Variants in UGDH observed in about 807,000 individuals in gnomAD.
The protein encoded by UGDH is UDP-glucose 6-dehydrogenase, also known as UDP-Glc dehydrogenase.
A neutral mutation model predicts 50.6 loss-of-function variants in UGDH; 38 were observed. The ratio of observed to expected loss-of-function variants is 0.75; its 90% CI spans 0.58 to 0.98. UGDH has a LOEUF of 0.98. Ranked by LOEUF, UGDH falls within the 50% of genes least tolerant of loss-of-function variation. UGDH has a pLI of 0.00. For missense variants in UGDH, 465 were observed against 606.2 expected, an observed-to-expected ratio of 0.77 and a Z score of 2.45; for synonymous variants, 168 against 199.9, an observed-to-expected ratio of 0.84 and a Z score of 1.35.
intron 5 of UGDH, 87 bp downstream of exon 5, chr4:39,510,266 T>TA: frequency 7.4e-7 from 1 of 1,356,596 alleles, no homozygotes. Flanking sequence ...TTACTACTAT[T>TA]AAAAAAGTAT....
chr4:39,510,476 A>T lies in UGDH; in HGVS notation c.540T>A (p.Ile180=). 1 of 1,614,190 alleles carries T rather than the reference A, an allele frequency of 6.2e-7. No individual in the cohort carries two copies. Among genetic ancestry groups the T allele is most frequent in the Non-Finnish European group, 8.5e-7 (1 of 1,180,032 alleles). ...KDLKNPDRVL[I]GGDETPEGQR... ...GGCCCTCTGGAGTTTCATCCCCTCC[A>T]ATCAGTACTCTGTCTGGGTTCTTTA... Residue 180 remains isoleucine (I), a synonymous_variant, in exon 5 of 12, where the codon ATT becomes ATA. Coordinates refer to ENST00000316423, the MANE Select transcript of UGDH (RefSeq NM_003359.4).
At chr4:39,519,183 C>T (rs995877514) in intron 2 of UGDH, among the ~76,000 whole-genome samples, 1 of 150,326 alleles carries the variant, frequency 6.7e-6, no homozygotes, top group Non-Finnish European at 1.5e-5. Context: ...TCCCAAAGTG[C>T]AGGGATTACA....
chr4:39,527,183 G>A (rs1746941095), intron 1 of UGDH, 100 bp downstream of exon 1: 37 of 1,230,154 alleles, frequency 3.0e-5, no homozygotes, highest in Non-Finnish European at 3.8e-5. Flanking sequence ...GCGAGCGACC[G>A]GGAGCAGCGC....
chr4:39,514,560 G>A (rs1183815590), intron 2 of UGDH, among the ~76,000 whole-genome samples: 1 of 151,944 alleles, frequency 6.6e-6, no homozygotes, highest in Non-Finnish European at 1.5e-5. Context: ...ATGGGGTTTT[G>A]GGGTTTCACT....
chr4:39,505,635 C>T lies in UGDH; in HGVS notation c.1020G>A (p.Lys340=). The T allele has an allele frequency of 1.2e-6, 2 of 1,603,864 alleles. No homozygotes were observed. The highest frequency in any genetic ancestry group is 1.7e-6 in the Non-Finnish European group (2 of 1,174,622). Reference sequence around the variant, plus strand: ...ACTGATACCTTGTATCACCAGTGTCCTTTTTGAATGCAAATCCCAAAATAG... The same window carrying T: ...ACTGATACCTTGTATCACCAGTGTCTTTTTTGAATGCAAATCCCAAAATAG... ...KIAILGFAFK[K]DTGDTRESSS... The change falls in exon 8 of 12, where the codon AAG becomes AAA. Residue 340 remains lysine (K), a synonymous_variant. Transcript: ENST00000316423.
At chr4:39,517,451 C>T (rs1168522404) in intron 2 of UGDH, among the ~76,000 whole-genome samples, 1 of 152,072 alleles carries the variant, frequency 6.6e-6, no homozygotes, top group Admixed American at 6.6e-5. Context: ...CTCAGGTGAT[C>T]CACCCACCTT....
At chr4:39,514,003 G>C in intron 3 of UGDH, 80 bp downstream of exon 3, 1 of 1,187,668 alleles carries the variant, frequency 8.4e-7, no homozygotes, top group Non-Finnish European at 1.2e-6. Context: ...TAATACCAAT[G>C]GATTTACTAT....
intron 2 of UGDH, among the ~76,000 whole-genome samples, chr4:39,514,630 C>T (rs1200374282): frequency 1.3e-5 from 2 of 152,026 alleles, no homozygotes; most frequent in Non-Finnish European, 2.9e-5. Context: ...CTCAGCTTCC[C>T]AAAGTGCTGG....
chr4:39,508,473 A>G (rs1252464117), intron 7 of UGDH, 93 bp downstream of exon 7: 9 of 1,251,914 alleles, frequency 7.2e-6, no homozygotes, highest in Admixed American at 6.2e-5. Context: ...GCCTCAAGTG[A>G]TGCTCTTGCC....
chr4:39,525,986 T>C (rs999503724), intron 1 of UGDH, among the ~76,000 whole-genome samples: 1 of 152,180 alleles, frequency 6.6e-6, no homozygotes, highest in African/African-American at 2.4e-5. Context: ...TTTCATAAAT[T>C]CAAATAAACA....
chr4:39,500,299 G>T, intron 11 of UGDH, 46 bp from the exon 12 acceptor site: 3 of 1,250,782 alleles, frequency 2.4e-6, no homozygotes, highest in Non-Finnish European at 3.4e-6. Flanking sequence ...AATTATATAA[G>T]TGTAAGAATT....
chr4:39,519,217 G>GTT (rs1210409507), intron 2 of UGDH, among the ~76,000 whole-genome samples: 2 of 124,000 alleles, frequency 1.6e-5, no homozygotes, highest in Non-Finnish European at 3.2e-5. Context: ...GTGCCTGGCC[G>GTT]TATTTTTTTT....
chr4:39,505,872 C>T, intron 7 of UGDH, 124 bp from the exon 8 acceptor site: 2 of 937,082 alleles, frequency 2.1e-6, no homozygotes, highest in Non-Finnish European at 1.4e-6. Context: ...TAACAAGAGG[C>T]AAAAATTAAC....
chr4:39,524,977 G>A (rs752194467), intron 1 of UGDH, among the ~76,000 whole-genome samples: 4 of 152,190 alleles, frequency 2.6e-5, no homozygotes, highest in Non-Finnish European at 5.9e-5. Flanking sequence ...TTTTACACAA[G>A]CTTTATTTTG....
chr4:39,502,036 C>T (rs1002632348), intron 11 of UGDH, among the ~76,000 whole-genome samples: 8 of 152,036 alleles, frequency 5.3e-5, no homozygotes, highest in South Asian at 2.1e-4. Context: ...TTTAGTGATT[C>T]CATTCCTGTT....
intron 2 of UGDH, 115 bp downstream of exon 2, chr4:39,521,231 TTTTCA>T (rs1746647966): frequency 9.4e-7 from 1 of 1,059,660 alleles, no homozygotes; most frequent in Admixed American, 3.3e-5. Flanking sequence ...ATCCAGATTT[TTTTCA>T]TTTAATTTCT....
chr4:39,517,117 G>A lies in UGDH; in HGVS notation c.163-2933C>T, dbSNP rs539354162. Among the ~76,000 whole-genome samples, 12 of 151,738 alleles carry A rather than the reference G, an allele frequency of 7.9e-5. No individual in the cohort carries two copies. The South Asian group carries it at 1.7e-3, about 21-fold the overall frequency. ...AGAAGAACTCAAATCCTTTCACAGG[G>A]TAAAATTATCCTCAGTAAAATAAAA... On this transcript the variant is annotated intron_variant, in intron 2 of 11. Transcript: ENST00000316423.
Position 39,509,862 on chromosome 4 carries a change from T to G in UGDH, c.709A>C (p.Ile237Leu). ...CCTGTTGCTTCACACAGAGCACTTA[T>G]GGAGTTAATGCTGCTTATTCTCTGG... The part of the protein sequence containing the change: ...LAQRISSINS[I>L]SALCEATGAD... Residue 237 changes from isoleucine (I) to leucine (L), a missense_variant, in exon 6 of 12, where the codon ATA becomes CTA. Ile to Leu is a conservative substitution (Grantham distance 5). Coordinates refer to ENST00000316423, the MANE Select transcript of UGDH (RefSeq NM_003359.4). 1 of 1,611,906 alleles carries G rather than the reference T, an allele frequency of 6.2e-7. No individual in the cohort carries two copies. Among genetic ancestry groups the G allele is most frequent in the Non-Finnish European group, 8.5e-7 (1 of 1,179,720 alleles).
chr4:39,521,357 A>C lies in UGDH; in HGVS notation c.156T>G (p.Ile52Met). 6.2e-7 allele frequency: 1 copy of C among 1,605,162 alleles called. No homozygotes were observed. The highest frequency in any genetic ancestry group is 1.1e-5 in the South Asian group (1 of 88,714). Residue 52 changes from isoleucine to methionine, a missense_variant, in exon 2 of 12, where the codon ATT (isoleucine) becomes ATG (methionine). Coordinates refer to ENST00000316423, the MANE Select transcript of UGDH (RefSeq NM_003359.4). ...INAWNSPTLP[I>M]YEPGLKEVVE... ...AGATGTTTAATATGTTTACCTCATA[A>C]ATAGGAAGTGTAGGAGAATTCCACG...
Sources: allele counts gnomAD v4.1 joint callset (sites outside exome capture counted in the v4.1 genomes callset), GRCh38; gene constraint gnomAD v4.1.1; transcripts MANE v1.5; gene names NCBI Gene and HGNC (gene_info 2026-07-23, HGNC 2026-07-21).